Variants in NTF3 observed in about 807,000 individuals in gnomAD.
NTF3 encodes the protein neurotrophin 3, also known as neurotrophin-3.
A neutral mutation model predicts 26.3 loss-of-function variants in NTF3; 8 were observed. That is an observed-to-expected ratio of 0.30 (90% CI 0.18 to 0.55). The LOEUF is 0.55. Ranked by LOEUF, NTF3 falls within the 20% of genes least tolerant of loss-of-function variation. NTF3 has a pLI of 0.93. For missense variants in NTF3, 276 were observed against 352.9 expected (o/e 0.78, Z 1.75); for synonymous variants, 154 against 145.5 (o/e 1.06, Z -0.42).
chr12:5,430,725 C>T (rs528738306), upstream of NTF3, among the ~76,000 whole-genome samples: 1 of 152,114 alleles, frequency 6.6e-6, no homozygotes, highest in Non-Finnish European at 1.5e-5. Flanking sequence ...AACCTGGGCC[C>T]TAACCGAAAC....
At chr12:5,477,850 T>A (rs561440604) in intron 1 of NTF3, among the ~76,000 whole-genome samples, 19 of 152,314 alleles carry the variant, frequency 1.2e-4, no homozygotes, top group African/African-American at 4.3e-4. Context: ...CCAGCACAGA[T>A]ATTTTCCTGC....
intron 1 of NTF3, among the ~76,000 whole-genome samples, chr12:5,454,267 G>A (rs1940410136): frequency 6.6e-6 from 1 of 152,154 alleles, no homozygotes; most frequent in Admixed American, 6.5e-5. Flanking sequence ...GTCTTCATAT[G>A]GCTTTCTCCT....
intron 1 of NTF3, among the ~76,000 whole-genome samples, chr12:5,434,716 CATGCCTGCACAA>C (rs1940145558): frequency 6.6e-6 from 1 of 151,942 alleles, no homozygotes. Context: ...ATGGCTTGTG[CATGCCTGCACAA>C]ACACATGGAG....
intron 1 of NTF3, among the ~76,000 whole-genome samples, chr12:5,459,659 G>T (rs910427321): frequency 6.6e-6 from 1 of 152,192 alleles, no homozygotes; most frequent in African/African-American, 2.4e-5. Flanking sequence ...GAGCTTAGCG[G>T]ATGTCCTAGA....
intron 1 of NTF3, among the ~76,000 whole-genome samples, chr12:5,468,921 G>A (rs1438449581): frequency 1.3e-5 from 2 of 152,160 alleles, no homozygotes; most frequent in Non-Finnish European, 2.9e-5. Flanking sequence ...AGGAGTAAGA[G>A]ACCAGCCTGG....
chr12:5,482,866 CTCTG>C (rs1054704998), intron 1 of NTF3, among the ~76,000 whole-genome samples: 9 of 151,312 alleles, frequency 5.9e-5, no homozygotes, highest in African/African-American at 2.2e-4. Context: ...CTGTCTCTCC[CTCTG>C]TCTTTCTCTC....
rs948722748 is a variant in NTF3 at position 5,456,430 on chromosome 12, C to G, written c.18+24088C>G. Among the ~76,000 whole-genome samples, 7 of 152,212 alleles carry G rather than the reference C, an allele frequency of 4.6e-5. No homozygotes were observed. The highest frequency in any genetic ancestry group is 7.3e-5 in the Non-Finnish European group (5 of 68,034). On this transcript the variant is annotated intron_variant, in intron 1 of 1. Transcript: ENST00000423158. The surrounding 1 kb of genome is among the most constrained non-coding windows in gnomAD (Gnocchi z 4.4). ...GGGACCCTGGGAGCTGTGTACCCCTCAGACCCAGTTGGAACCCAGCCAAGA... is the reference window on the plus strand; with the variant it reads ...GGGACCCTGGGAGCTGTGTACCCCTGAGACCCAGTTGGAACCCAGCCAAGA...
chr12:5,440,195 C>T (rs1940219803), intron 1 of NTF3, among the ~76,000 whole-genome samples: 1 of 152,206 alleles, frequency 6.6e-6, no homozygotes. Flanking sequence ...GTTGCTTAAA[C>T]ATATTTGCAT....
intron 1 of NTF3, among the ~76,000 whole-genome samples, chr12:5,488,491 G>A (rs1940896185): frequency 6.6e-6 from 1 of 152,136 alleles, no homozygotes; most frequent in African/African-American, 2.4e-5. Flanking sequence ...CTTTGTCATG[G>A]GTCAGAACAT....
intron 1 of NTF3, 145 bp downstream of exon 1, chr12:5,432,487 G>C (rs1250470499): frequency 5.2e-6 from 5 of 964,130 alleles, no homozygotes; most frequent in Non-Finnish European, 6.2e-6. Context: ...TCACTTTCCC[G>C]GGCTTGTGTC....
At chr12:5,470,875 TG>T (rs1240914168) in intron 1 of NTF3, among the ~76,000 whole-genome samples, 1 of 152,242 alleles carries the variant, frequency 6.6e-6, no homozygotes, top group East Asian at 1.9e-4. Flanking sequence ...GTGGCCCAGA[TG>T]ATTTCTGATA....
chr12:5,438,729 G>C (rs886937057), intron 1 of NTF3, among the ~76,000 whole-genome samples: 1 of 152,218 alleles, frequency 6.6e-6, no homozygotes, highest in Non-Finnish European at 1.5e-5. Context: ...TGAAGGACCA[G>C]GTTCAGTGAC....
At chr12:5,461,547 C>A (rs1242215998) in intron 1 of NTF3, among the ~76,000 whole-genome samples, 1 of 152,130 alleles carries the variant, frequency 6.6e-6, no homozygotes, top group African/African-American at 2.4e-5. Flanking sequence ...AACTTCTCAG[C>A]TGCCTACTTT....
intron 1 of NTF3, among the ~76,000 whole-genome samples, chr12:5,474,589 G>A (rs988563651): frequency 6.6e-6 from 1 of 152,180 alleles, no homozygotes; most frequent in African/African-American, 2.4e-5. Context: ...ACAATGCTGA[G>A]GAATTTTAGC....
upstream of NTF3, among the ~76,000 whole-genome samples, chr12:5,430,345 A>G (rs1417388785): frequency 2.6e-5 from 4 of 151,942 alleles, no homozygotes; most frequent in East Asian, 1.9e-4. Flanking sequence ...CCAAACCTTC[A>G]TGGTGCTGTG....
upstream of NTF3, among the ~76,000 whole-genome samples, chr12:5,430,841 ATGATGTGAGGAGC>A (rs1417841406): frequency 9.9e-5 from 15 of 151,668 alleles, no homozygotes; most frequent in African/African-American, 3.6e-4. Flanking sequence ...CTGGCAGGAG[ATGATGTGAGGAGC>A]GGCTGAAGTG....
chr12:5,459,306 C>T (rs910893325), intron 1 of NTF3, among the ~76,000 whole-genome samples: 1 of 152,170 alleles, frequency 6.6e-6, no homozygotes, highest in Non-Finnish European at 1.5e-5. Context: ...TACTCAGAGG[C>T]AGCCAATTCT....
chr12:5,463,916 A>G (rs549770017), intron 1 of NTF3, among the ~76,000 whole-genome samples: 138 of 152,336 alleles, frequency 9.1e-4, no homozygotes, highest in African/African-American at 3.2e-3. Context: ...AACGAAATAA[A>G]TAAGTGATTT....
chr12:5,431,412 T>A (rs993915246), upstream of NTF3, among the ~76,000 whole-genome samples: 8 of 152,194 alleles, frequency 5.3e-5, no homozygotes, highest in African/African-American at 1.9e-4. Context: ...CCCTCCCTAG[T>A]CCCTCGGACC....
Sources: allele counts gnomAD v4.1 joint callset (sites outside exome capture counted in the v4.1 genomes callset), GRCh38; gene constraint gnomAD v4.1.1; non-coding constraint Gnocchi (gnomAD v3.1); transcripts MANE v1.5; gene names NCBI Gene and HGNC (gene_info 2026-07-23, HGNC 2026-07-21).